Variants in NPIPB2 observed in about 807,000 individuals in gnomAD.
NPIPB2 encodes the protein nuclear pore complex-interacting protein family member B2.
Under a neutral mutation model 30.8 loss-of-function variants are expected in NPIPB2, and 27 were observed. The ratio of observed to expected loss-of-function variants is 0.88; its 90% CI spans 0.65 to 1.21. NPIPB2 has a LOEUF of 1.21. Ranked by LOEUF, NPIPB2 falls within the 50% of genes most tolerant of loss-of-function variation. The probability of loss-of-function intolerance (pLI) is 0.00; values close to 1 mark genes in which losing one functional copy is unlikely to be tolerated. For synonymous variants in NPIPB2, 147 were observed against 162.0 expected (o/e 0.91, Z 0.70); for missense variants, 440 against 446.2 (o/e 0.99, Z 0.13).
At chr16:11,970,482 G>C (rs536624768) in intron 1 of NPIPB2, among the ~76,000 whole-genome samples, 18 of 152,152 alleles carry the variant, frequency 1.2e-4, no homozygotes, top group African/African-American at 3.4e-4. Flanking sequence ...CAAAGTGCTA[G>C]AATTATAGGT....
chr16:11,951,666 A>ACACACACACACCCCCC (rs1226047972), intron 1 of NPIPB2, among the ~76,000 whole-genome samples: 1 of 138,968 alleles, frequency 7.2e-6, no homozygotes, highest in East Asian at 2.4e-4. Context: ...ACACACACAC[A>ACACACACACACCCCCC]CCCAGCCCCC....
At chr16:11,961,411 TA>T (rs531678367) in intron 1 of NPIPB2, among the ~76,000 whole-genome samples, 3,395 of 149,622 alleles carry the variant, frequency 0.023, 66 homozygotes, top group African/African-American at 0.05. Flanking sequence ...GTCCTGCATT[TA>T]AAAAAAAAAG....
intron 1 of NPIPB2, among the ~76,000 whole-genome samples, chr16:11,961,161 C>T (rs1295778624): frequency 6.6e-6 from 1 of 152,188 alleles, no homozygotes; most frequent in Non-Finnish European, 1.5e-5. Flanking sequence ...CTGCACCCAG[C>T]CTGGGAGATA....
At chr16:11,974,626 T>C (rs1158371885) in intron 1 of NPIPB2, among the ~76,000 whole-genome samples, 2 of 152,234 alleles carry the variant, frequency 1.3e-5, no homozygotes, top group Admixed American at 1.3e-4. Flanking sequence ...ACCTACAGAA[T>C]TGTTTTTTAA....
At chr16:11,948,409 T>C (rs1045980175) in intron 1 of NPIPB2, among the ~76,000 whole-genome samples, 1 of 151,970 alleles carries the variant, frequency 6.6e-6, no homozygotes, top group Non-Finnish European at 1.5e-5. Flanking sequence ...AGACTGAACA[T>C]AAATACAAAC....
intron 5 of NPIPB2, 71 bp downstream of exon 5, chr16:11,930,379 T>C: frequency 5.8e-6 from 8 of 1,373,892 alleles, no homozygotes; most frequent in Non-Finnish European, 2.0e-6. Context: ...GGTCTAAACA[T>C]TGTACAAAGG....
chr16:11,957,945 A>G (rs1040022824), intron 1 of NPIPB2, among the ~76,000 whole-genome samples: 1 of 152,194 alleles, frequency 6.6e-6, no homozygotes, highest in African/African-American at 2.4e-5. Flanking sequence ...GGAGAATTCT[A>G]CTGATACTTA....
chr16:11,952,565 C>CT (rs3031202), intron 1 of NPIPB2, among the ~76,000 whole-genome samples: 10 of 109,872 alleles, frequency 9.1e-5, no homozygotes, highest in African/African-American at 1.2e-4. Context: ...CTTTCTTTCT[C>CT]TTTTTTTTTT....
At chr16:11,948,540 A>T (rs1480409965) in intron 1 of NPIPB2, among the ~76,000 whole-genome samples, 2 of 151,922 alleles carry the variant, frequency 1.3e-5, no homozygotes, top group African/African-American at 2.4e-5. Context: ...CCCGAGGCGG[A>T]TGGATCACGA....
intron 1 of NPIPB2, among the ~76,000 whole-genome samples, chr16:11,965,845 C>T (rs1007828426): frequency 6.6e-6 from 1 of 152,110 alleles, no homozygotes; most frequent in African/African-American, 2.4e-5. Context: ...GTGGATGGCT[C>T]ACACCTGTAA....
intron 4 of NPIPB2, among the ~76,000 whole-genome samples, chr16:11,931,883 G>A (rs1311178164): frequency 2.6e-5 from 4 of 152,132 alleles, no homozygotes; most frequent in South Asian, 2.1e-4. Context: ...AGTCAGCTTC[G>A]CATTTGGAAC....
chr16:11,929,974 A>G (rs989638957), intron 5 of NPIPB2, among the ~76,000 whole-genome samples: 3 of 138,080 alleles, frequency 2.2e-5, no homozygotes, highest in Non-Finnish European at 3.1e-5. Flanking sequence ...CTGAGATGAT[A>G]GTTTCCTTCC....
At chr16:11,960,804 C>T (rs2055147706) in intron 1 of NPIPB2, among the ~76,000 whole-genome samples, 1 of 152,064 alleles carries the variant, frequency 6.6e-6, no homozygotes, top group Non-Finnish European at 1.5e-5. Flanking sequence ...AATTTGACTC[C>T]ACTCCCTAAC....
chr16:11,965,752 A>G lies in NPIPB2; in HGVS notation c.-584+10816T>C, dbSNP rs151256407. Among the ~76,000 whole-genome samples, 703 of 152,344 alleles carry G rather than the reference A, an allele frequency of 4.6e-3. 3 individuals carry two copies. Among genetic ancestry groups the G allele is most frequent in the Non-Finnish European group, 7.8e-3 (532 of 68,042 alleles). ...TTAATTAAGGTGATTGAATGGAAAT[A>G]ATCCATACTTGATTATTTTGCTATC... On this transcript the variant is annotated intron_variant, in intron 1 of 5. Transcript: ENST00000538896.
At chr16:11,957,865 T>C (rs1186156606) in intron 1 of NPIPB2, among the ~76,000 whole-genome samples, 2 of 152,152 alleles carry the variant, frequency 1.3e-5, no homozygotes, top group East Asian at 1.9e-4. Context: ...GCTCCTACAA[T>C]TGCATGAAGC....
rs532781131 is a variant in NPIPB2 at position 11,955,890 on chromosome 16, T to C, written c.-583-13776A>G. Among the ~76,000 whole-genome samples, 67 of 144,554 alleles carry C rather than the reference T, an allele frequency of 4.6e-4. 1 individual carries two copies. The highest frequency in any genetic ancestry group is 9.4e-4 in the Non-Finnish European group (62 of 66,214). 94.8% of individuals were successfully genotyped at this position (144,554 alleles called of 152,430 possible). On this transcript the variant is annotated intron_variant, in intron 1 of 5. Transcript: ENST00000538896. ...CCACGTATCCCCTCTGGAACTTGAC[T>C]CTCGTTTTGCAAACAGGAAAAAACC...
chr16:11,959,203 C>T (rs770367734), intron 1 of NPIPB2, among the ~76,000 whole-genome samples: 11 of 152,016 alleles, frequency 7.2e-5, no homozygotes, highest in Non-Finnish European at 1.2e-4. Flanking sequence ...TTCTATGTCA[C>T]GCAAGGGCAA....
Position 11,967,941 on chromosome 16 carries a change from T to C in NPIPB2, c.-584+8627A>G, listed in dbSNP as rs113128674. The C allele has an allele frequency of 4.3e-6, 6 of 1,403,328 alleles. No individual in the cohort carries two copies. The African/African-American group carries it at 5.7e-5, about 13-fold the overall frequency. The allele number at this position is 1,403,328 out of a possible 1,614,324, so 86.9% of individuals were successfully genotyped here. ...CTTTAGGATGACTGTATTTTTCAGT[T>C]GCCGATACAGCTTTTTGTCCTCTAA... On this transcript the variant is annotated intron_variant, in intron 1 of 5. Coordinates refer to the NPIPB2 transcript ENST00000538896.
exon 4 of NPIPB2, chr16:11,933,555 A>G (rs1311384875): frequency 3.1e-6 from 5 of 1,597,076 alleles, no homozygotes; most frequent in Non-Finnish European, 4.2e-6. Flanking sequence ...TGATTTTGTC[A>G]TGATGGTTGA....
Sources: gnomAD v4.1 joint callset for allele counts (sites outside exome capture counted in the v4.1 genomes callset) on GRCh38, gnomAD v4.1.1 for gene constraint, MANE v1.5 for transcripts, NCBI Gene and HGNC (gene_info 2026-07-23, HGNC 2026-07-21) for gene names.